Variants in STPG2 observed in about 807,000 individuals in gnomAD.
STPG2 encodes sperm tail PG-rich repeat containing 2.
Under a neutral mutation model 54.2 loss-of-function variants are expected in STPG2, and 56 were observed. The observed-to-expected ratio is 1.03, with a 90% CI of 0.83 to 1.29. The LOEUF is 1.29. Ranked by LOEUF, STPG2 falls within the 50% of genes most tolerant of loss-of-function variation. The pLI is 0.00. For missense variants in STPG2, 596 were observed against 544.9 expected (o/e 1.09, Z -0.93); for synonymous variants, 200 against 181.8 (o/e 1.10, Z -0.81).
chr4:97,882,885 TCTCTA>T (rs1281882641), intron 8 of STPG2, among the ~76,000 whole-genome samples: 2 of 152,006 alleles, frequency 1.3e-5, no homozygotes, highest in Non-Finnish European at 2.9e-5. Context: ...TGTACTTTAT[TCTCTA>T]CTCTGCTACA....
rs140293238 is a variant in STPG2, at chr4:97,957,260, A to G, written c.934-13253T>C. Among the ~76,000 whole-genome samples the G allele has an allele frequency of 1.9e-3, 291 of 150,702 alleles. 7 individuals carry two copies. In the East Asian group the frequency reaches 0.051, roughly 26 times the overall value. ...CAATCAAAACTTCAGTAAACAATGG[A>G]CACACTAATAGAAATGCAAAATGCT... is the stretch of plus-strand genomic sequence containing the variant. On this transcript the variant is annotated intron_variant, in intron 7 of 10. Coordinates refer to ENST00000295268, the MANE Select transcript of STPG2 (RefSeq NM_174952.3).
At chr4:97,913,855 A>G (rs1264560739) in intron 8 of STPG2, among the ~76,000 whole-genome samples, 1 of 152,204 alleles carries the variant, frequency 6.6e-6, no homozygotes, top group East Asian at 1.9e-4. Flanking sequence ...GCAAATTTAA[A>G]TGAGCAAGTT....
At chr4:98,012,634 G>A (rs1449483345) in intron 5 of STPG2, among the ~76,000 whole-genome samples, 1 of 152,060 alleles carries the variant, frequency 6.6e-6, no homozygotes, top group African/African-American at 2.4e-5. Flanking sequence ...CTTGAGTGAT[G>A]GTTTGTAGTT....
intron 8 of STPG2, among the ~76,000 whole-genome samples, chr4:97,899,664 G>C (rs1731100227): frequency 6.6e-6 from 1 of 151,596 alleles, no homozygotes; most frequent in South Asian, 2.1e-4. Flanking sequence ...CAGAAATAAG[G>C]CTGCACATCT....
intron 10 of STPG2, among the ~76,000 whole-genome samples, chr4:97,692,224 A>C (rs1723389902): frequency 6.6e-6 from 1 of 150,716 alleles, no homozygotes; most frequent in South Asian, 2.2e-4. Flanking sequence ...AAAGTTGACC[A>C]TTAAGCTAAT....
At chr4:97,468,891 C>T (rs190375934) in intron 4 of STPG2, among the ~76,000 whole-genome samples, 1 of 152,144 alleles carries the variant, frequency 6.6e-6, no homozygotes, top group African/African-American at 2.4e-5. Flanking sequence ...AGGTTTCTCA[C>T]AGATAACTAA....
At chr4:97,632,997 G>C (rs1721342406) in intron 10 of STPG2, among the ~76,000 whole-genome samples, 1 of 151,988 alleles carries the variant, frequency 6.6e-6, no homozygotes, top group Admixed American at 6.6e-5. Flanking sequence ...TAGGTAGGTA[G>C]GTAGATCAAT....
rs112999909 is a variant in STPG2, at chr4:97,524,896, C to G, written c.462+187803G>C. On this transcript the variant is annotated intron_variant, in intron 4 of 4. Transcript: ENST00000522676. ...TCTCTTCAAGAATTCAACTTCAGTG[C>G]CTCAAACTGATTGAAACATCAAGTT... is the stretch of plus-strand genomic sequence containing the variant. 5.5e-3 allele frequency among the ~76,000 whole-genome samples: 835 copies of G among 151,982 alleles called. 7 individuals are homozygous for G. The highest frequency in any genetic ancestry group is 0.02 in the Middle Eastern group (6 of 294).
At chr4:98,065,756 C>T (rs1236360155) in intron 5 of STPG2, among the ~76,000 whole-genome samples, 2 of 152,072 alleles carry the variant, frequency 1.3e-5, no homozygotes, top group African/African-American at 2.4e-5. Flanking sequence ...AAGAGAAAAA[C>T]CCAGATCCTG....
intron 9 of STPG2, among the ~76,000 whole-genome samples, chr4:97,825,604 C>T (rs1728227965): frequency 6.6e-6 from 1 of 152,148 alleles, no homozygotes; most frequent in Non-Finnish European, 1.5e-5. Flanking sequence ...AAACTGTATG[C>T]TCTCCTGGCC....
intron 8 of STPG2, among the ~76,000 whole-genome samples, chr4:97,864,947 T>G (rs1207628476): frequency 2.0e-5 from 3 of 152,154 alleles, no homozygotes; most frequent in Non-Finnish European, 4.4e-5. Flanking sequence ...TCATTCAAGA[T>G]GGATTAAAGA....
intron 4 of STPG2, among the ~76,000 whole-genome samples, chr4:97,505,813 G>A (rs182223411): frequency 9.8e-4 from 148 of 151,772 alleles, no homozygotes; most frequent in Admixed American, 2.8e-3. Flanking sequence ...ATTGTGCCAT[G>A]TATATTAATT....
Position 97,971,978 on chromosome 4 carries a change from C to T in STPG2, c.933+302G>A, listed in dbSNP as rs368606655. ...TCATTTTTTTCAAATGTTCTTTGTG[C>T]TACGTGGTTTAAACTTATGTGCCTT... On this transcript the variant is annotated intron_variant, in intron 7 of 10. Coordinates refer to ENST00000295268, the MANE Select transcript of STPG2 (RefSeq NM_174952.3). Among the ~76,000 whole-genome samples the T allele has an allele frequency of 2.0e-5, 3 of 152,086 alleles. No individual in the cohort carries two copies. In the South Asian group the frequency reaches 6.2e-4, roughly 32 times the overall value.
intron 5 of STPG2, among the ~76,000 whole-genome samples, chr4:98,029,961 G>A (rs1736541604): frequency 6.6e-6 from 1 of 152,076 alleles, no homozygotes; most frequent in Non-Finnish European, 1.5e-5. Context: ...TCTTTTTCAT[G>A]GTAGATGGTG....
At chr4:97,930,188 T>G (rs950475205) in intron 8 of STPG2, among the ~76,000 whole-genome samples, 4 of 152,152 alleles carry the variant, frequency 2.6e-5, no homozygotes, top group African/African-American at 9.7e-5. Context: ...TGAGCCACCA[T>G]GCCCAGCCCA....
chr4:97,805,867 G>A (rs1011421884), intron 9 of STPG2, among the ~76,000 whole-genome samples: 8 of 151,382 alleles, frequency 5.3e-5, no homozygotes, highest in South Asian at 2.1e-4. Context: ...TGCTGGCAAA[G>A]CTGCAGAGAA....
intron 4 of STPG2, among the ~76,000 whole-genome samples, chr4:97,454,629 T>C (rs371336265): frequency 1.3e-5 from 2 of 149,388 alleles, no homozygotes; most frequent in East Asian, 2.0e-4. Context: ...ATATAGCATA[T>C]CTTCATGTTA....
At chr4:97,570,478 A>T (rs1459448273) in intron 10 of STPG2, among the ~76,000 whole-genome samples, 1 of 152,130 alleles carries the variant, frequency 6.6e-6, no homozygotes, top group Non-Finnish European at 1.5e-5. Context: ...TTTGCCTAAA[A>T]GCAGGCCAAA....
chr4:98,063,629 G>T (rs1322446717), intron 5 of STPG2, among the ~76,000 whole-genome samples: 1 of 151,764 alleles, frequency 6.6e-6, no homozygotes, highest in Non-Finnish European at 1.5e-5. Flanking sequence ...AAAAGAAAAT[G>T]ATAAGAATAA....
Sources: gnomAD v4.1 joint callset for allele counts (sites outside exome capture counted in the v4.1 genomes callset) on GRCh38, gnomAD v4.1.1 for gene constraint, MANE v1.5 for transcripts, NCBI Gene and HGNC (gene_info 2026-07-23, HGNC 2026-07-21) for gene names.